Variants in USP32 observed in about 807,000 individuals in gnomAD.
The protein encoded by USP32 is ubiquitin specific peptidase 32, also known as ubiquitin carboxyl-terminal hydrolase 32.
Under a neutral mutation model 204.8 loss-of-function variants are expected in USP32, and 59 were observed. The observed-to-expected ratio is 0.29, with a 90% CI of 0.23 to 0.36. The LOEUF (loss-of-function observed/expected upper bound fraction) is 0.36, where lower values mean the gene tolerates loss of function less well. Ranked by LOEUF, USP32 falls within the 10% of genes least tolerant of loss-of-function variation. The pLI is 1.00. For synonymous variants in USP32, 517 were observed against 678.4 expected, an observed-to-expected ratio of 0.76 and a Z score of 3.70; for missense variants, 1,160 against 1,946.4, an observed-to-expected ratio of 0.60 and a Z score of 7.60.
chr17:60,325,972 CAA>C (rs374347100), intron 2 of USP32, among the ~76,000 whole-genome samples: 17 of 58,288 alleles, frequency 2.9e-4, no homozygotes, highest in East Asian at 5.4e-4. Context: ...GACTCTGTCT[CAA>C]AAAAAAAAAA....
intron 1 of USP32, among the ~76,000 whole-genome samples, chr17:60,376,116 G>A (rs937390166): frequency 6.6e-6 from 1 of 151,906 alleles, no homozygotes; most frequent in African/African-American, 2.4e-5. Context: ...CACAATCATG[G>A]CTCACTACAG....
At chr17:60,250,379 T>A (rs1030507732) in intron 11 of USP32, among the ~76,000 whole-genome samples, 1 of 152,140 alleles carries the variant, frequency 6.6e-6, no homozygotes, top group Non-Finnish European at 1.5e-5. Context: ...TAAATATAAA[T>A]ATAGGCTATA....
At chr17:60,394,555 A>G, upstream of USP32, among the ~76,000 whole-genome samples, 1 of 152,208 alleles carries the variant, frequency 6.6e-6, no homozygotes, top group East Asian at 1.9e-4. Context: ...AATTAATAGA[A>G]TATGACCGCA....
At position 60,229,119 on chromosome 17, in the gene USP32, A is replaced by G. The variant is rs1477802422; in HGVS notation, c.1240-2888T>C. 8.6e-5 allele frequency among the ~76,000 whole-genome samples: 13 copies of G among 152,022 alleles called. 1 individual carries two copies. The South Asian group carries it at 2.1e-3, about 24-fold the overall frequency. On this transcript the variant is annotated intron_variant, in intron 12 of 33. Coordinates refer to ENST00000300896, the MANE Select transcript of USP32 (RefSeq NM_032582.4). Reference sequence around the variant, plus strand: ...AATACAGGGTCTTGCTCAGTCGCCTATAGCTCACTATACCCTTGAACTCCT... The same window carrying G: ...AATACAGGGTCTTGCTCAGTCGCCTGTAGCTCACTATACCCTTGAACTCCT...
intron 16 of USP32, among the ~76,000 whole-genome samples, chr17:60,216,790 G>A (rs1424120522): frequency 2.0e-5 from 3 of 152,164 alleles, no homozygotes; most frequent in East Asian, 1.9e-4. Flanking sequence ...AACCCAACCC[G>A]TGATCAGTTT....
intron 1 of USP32, among the ~76,000 whole-genome samples, chr17:60,380,663 A>G (rs1598302759): frequency 6.6e-6 from 1 of 152,200 alleles, no homozygotes; most frequent in African/African-American, 2.4e-5. Flanking sequence ...TTACATAGGA[A>G]TACACATGTC....
rs758926881 is a variant in USP32, at chr17:60,198,451, G to T, written c.3250-7C>A. ...AATACAGTTCTGTCCTCATCTGTAT[G>T]TACAAACAAGAGAATAGAGAGTTCA... On this transcript the variant is annotated splice_polypyrimidine_tract_variant and splice_region_variant and intron_variant, in intron 26 of 33. Coordinates refer to ENST00000300896, the MANE Select transcript of USP32 (RefSeq NM_032582.4). The T allele has an allele frequency of 1.2e-6, 2 of 1,613,284 alleles. No individual in the cohort carries two copies. Among genetic ancestry groups the T allele is most frequent in the South Asian group, 1.1e-5 (1 of 90,818 alleles).
At chr17:60,198,223 T>G (rs1182424674) in intron 27 of USP32, 37 bp downstream of exon 27, 24 of 1,597,278 alleles carry the variant, frequency 1.5e-5, no homozygotes, top group Non-Finnish European at 2.0e-5. Flanking sequence ...TTCTAGAGTT[T>G]GGAAACCACA....
chr17:60,218,002 G>A (rs2085148366), intron 16 of USP32, among the ~76,000 whole-genome samples: 2 of 152,068 alleles, frequency 1.3e-5, no homozygotes, highest in Admixed American at 6.5e-5. Flanking sequence ...CTCCCAAACT[G>A]TTGGGATTAC....
rs75519014 is a variant in USP32 at position 60,337,330 on chromosome 17, T to C, written c.186+8151A>G. On this transcript the variant is annotated intron_variant, in intron 2 of 33. Transcript: ENST00000300896. ...CTCCGGAATCTAATACGGCTTTTGA[T>C]TAATATACACAGTTTCCTCTAATCT... 5.3e-5 allele frequency among the ~76,000 whole-genome samples: 8 copies of C among 152,316 alleles called. No homozygotes were observed. The East Asian group carries it at 1.5e-3, about 29-fold the overall frequency.
At chr17:60,192,014 G>T (rs562581270) in intron 28 of USP32, among the ~76,000 whole-genome samples, 4 of 152,128 alleles carry the variant, frequency 2.6e-5, no homozygotes, top group East Asian at 1.9e-4. Context: ...TTAACGAGAG[G>T]CTTGGCGTGG....
chr17:60,248,278 G>A (rs2086086264), intron 11 of USP32, among the ~76,000 whole-genome samples: 1 of 152,098 alleles, frequency 6.6e-6, no homozygotes, highest in African/African-American at 2.4e-5. Flanking sequence ...GAGTCTTTCT[G>A]CTCTTGTGGC....
chr17:60,211,491 C>T lies in USP32; in HGVS notation c.2203G>A (p.Gly735Ser). ...HKVPTEKGATGLSNLGNTCFM... is the reference protein window; with the variant it reads ...HKVPTEKGATSLSNLGNTCFM... The stretch of plus-strand genomic sequence containing the variant: ...CATGTGTTTCCCAGATTGCTTAGAC[C>T]TGTGGCTCCCTTTTCTGTGGGAACT... Residue 735 changes from glycine (G) to serine (S), a missense_variant, in exon 20 of 34, where the codon GGT becomes AGT. Gly to Ser is a moderately conservative substitution (Grantham distance 56, BLOSUM62 0). Around this residue, in one of 8 missense-constraint regions of USP32, gnomAD observed 132 missense variants for 432.8 expected, o/e 0.30. Transcript: ENST00000300896. The T allele has an allele frequency of 2.5e-6, 4 of 1,612,600 alleles. No homozygotes were observed. Among genetic ancestry groups the T allele is most frequent in the Non-Finnish European group, 3.4e-6 (4 of 1,179,492 alleles).
intron 3 of USP32, among the ~76,000 whole-genome samples, chr17:60,300,879 A>G (rs1216212075): frequency 6.6e-6 from 1 of 152,180 alleles, no homozygotes; most frequent in Non-Finnish European, 1.5e-5. Context: ...AGCAACCACT[A>G]ATCTATCATT....
intron 27 of USP32, among the ~76,000 whole-genome samples, chr17:60,194,520 T>C (rs1317991840): frequency 6.6e-6 from 1 of 152,234 alleles, no homozygotes; most frequent in Admixed American, 6.5e-5. Context: ...AAGGTACATA[T>C]CTTCTTTACT....
chr17:60,252,703 G>A (rs112744529), intron 10 of USP32, among the ~76,000 whole-genome samples: 6 of 152,136 alleles, frequency 3.9e-5, no homozygotes, highest in South Asian at 2.1e-4. Flanking sequence ...AAGAAAAAGC[G>A]AAAGGGGAAG....
chr17:60,219,489 G>A (rs1259959188), intron 16 of USP32, 181 bp downstream of exon 16: 1 of 808,548 alleles, frequency 1.2e-6, no homozygotes, highest in African/African-American at 1.8e-5. Flanking sequence ...ATTAATTACT[G>A]AGTCTGTAGG....
At chr17:60,350,177 T>A (rs2088916027) in intron 1 of USP32, among the ~76,000 whole-genome samples, 1 of 152,164 alleles carries the variant, frequency 6.6e-6, no homozygotes, top group East Asian at 1.9e-4. Context: ...CACACGTGGA[T>A]AATTTTTTGA....
intron 11 of USP32, among the ~76,000 whole-genome samples, chr17:60,240,613 C>T (rs1293303939): frequency 6.6e-6 from 1 of 152,146 alleles, no homozygotes; most frequent in Non-Finnish European, 1.5e-5. Flanking sequence ...TTAGCCTTCA[C>T]TACCTGTACC....
Sources: allele counts gnomAD v4.1 joint callset (sites outside exome capture counted in the v4.1 genomes callset), GRCh38; gene constraint gnomAD v4.1.1; regional missense constraint gnomAD v4.1.1; transcripts MANE v1.5; gene names NCBI Gene and HGNC (gene_info 2026-07-23, HGNC 2026-07-21).